Variants in PAK3 observed in about 807,000 individuals in gnomAD.
PAK3 encodes serine/threonine-protein kinase PAK 3.
A neutral mutation model predicts 41.0 loss-of-function variants in PAK3; 4 were observed. The observed-to-expected ratio is 0.10, with a 90% CI of 0.05 to 0.22. The LOEUF (loss-of-function observed/expected upper bound fraction) is 0.22, where lower values mean the gene tolerates loss of function less well. Among genes scored for constraint, PAK3 ranks in the 10% least tolerant of loss-of-function variants. PAK3 has a pLI of 1.00. For synonymous variants in PAK3, 146 were observed against 139.6 expected (o/e 1.05, Z -0.32); for missense variants, 205 against 409.9 (o/e 0.50, Z 4.32).
intron 1 of PAK3, among the ~76,000 whole-genome samples, chrX:110,962,866 A>T (rs2091007592): frequency 1.8e-5 from 2 of 112,559 alleles, no homozygotes; most frequent in African/African-American, 6.5e-5. Flanking sequence ...TGACATCAAG[A>T]ATGTGAAAGC....
At chrX:111,072,651 T>C (rs1384951165) in intron 1 of PAK3, among the ~76,000 whole-genome samples, 2 of 112,393 alleles carry the variant, frequency 1.8e-5, no homozygotes, top group East Asian at 5.6e-4. Flanking sequence ...GTTTATTTTC[T>C]TGAGATAATC....
chrX:110,976,654 G>A, intron 1 of PAK3, among the ~76,000 whole-genome samples: 1 of 111,927 alleles, frequency 8.9e-6, no homozygotes, highest in African/African-American at 3.2e-5. Flanking sequence ...AAAGACACAT[G>A]CATATGTATG....
At chrX:111,160,569 A>ATC (rs1287826085) in intron 8 of PAK3, among the ~76,000 whole-genome samples, 1 of 108,234 alleles carries the variant, frequency 9.2e-6, no homozygotes, top group Non-Finnish European at 1.9e-5. Flanking sequence ...GCACCCATTA[A>ATC]CTCATCATTT....
chrX:111,159,186 G>A (rs1435710698), intron 8 of PAK3, among the ~76,000 whole-genome samples: 1 of 110,863 alleles, frequency 9.0e-6, no homozygotes, highest in African/African-American at 3.3e-5. Flanking sequence ...TTAAATCATT[G>A]TAAATACTCA....
intron 1 of PAK3, among the ~76,000 whole-genome samples, chrX:110,958,499 C>A (rs2090912114): frequency 9.0e-6 from 1 of 111,118 alleles, no homozygotes; most frequent in South Asian, 3.8e-4. Flanking sequence ...AAGAGGAGGG[C>A]AAATGCAGCA....
chrX:110,969,243 T>A (rs2091150576), intron 1 of PAK3, among the ~76,000 whole-genome samples: 1 of 102,715 alleles, frequency 9.7e-6, no homozygotes, highest in Non-Finnish European at 2.0e-5. Context: ...TGCCTAGGGA[T>A]GTTCAATTGC....
chrX:111,174,269 C>G (rs1011816561), intron 11 of PAK3, among the ~76,000 whole-genome samples: 1 of 110,749 alleles, frequency 9.0e-6, no homozygotes, highest in African/African-American at 3.3e-5. Flanking sequence ...CAGTATATCT[C>G]AGGAAATAAG....
At chrX:111,153,509 A>G (rs752304967) in intron 8 of PAK3, among the ~76,000 whole-genome samples, 1 of 112,236 alleles carries the variant, frequency 8.9e-6, no homozygotes, top group Non-Finnish European at 1.9e-5. Flanking sequence ...GATAGAAATT[A>G]CTTCCTGCCT....
chrX:111,023,925 T>C lies in PAK3; in HGVS notation c.-28+79297T>C, dbSNP rs930931132. The stretch of plus-strand genomic sequence containing the variant: ...AGATCCCACTTGTCTATTTTGGCTT[T>C]TGTTGCTGTTGCTTTTTGTGTTTTA... On this transcript the variant is annotated intron_variant, in intron 1 of 14. Transcript: ENST00000425146. Among the ~76,000 whole-genome samples the C allele has an allele frequency of 3.6e-5, 4 of 112,234 alleles. No individual in the cohort carries two copies. In the East Asian group the frequency reaches 8.4e-4, roughly 24 times the overall value.
At chrX:111,091,431 G>A (rs1402092001), upstream of PAK3, among the ~76,000 whole-genome samples, 5 of 111,797 alleles carry the variant, frequency 4.5e-5, no homozygotes, top group Non-Finnish European at 7.5e-5. Flanking sequence ...GAGGCAAGGC[G>A]AGTTCGACAA....
At chrX:111,214,697 T>A (rs1358080749) in intron 16 of PAK3, among the ~76,000 whole-genome samples, 7 of 110,989 alleles carry the variant, frequency 6.3e-5, no homozygotes, top group Admixed American at 1.9e-4. Flanking sequence ...ATTAAACGGT[T>A]GTTCCTGACC....
intron 17 of PAK3, among the ~76,000 whole-genome samples, chrX:111,220,122 A>G (rs1292595454): frequency 9.0e-6 from 1 of 111,609 alleles, no homozygotes; most frequent in African/African-American, 3.3e-5. Context: ...AAACACAGTG[A>G]GGTTTTACAA....
intron 4 of PAK3, among the ~76,000 whole-genome samples, chrX:111,105,253 T>C (rs1291218617): frequency 8.9e-6 from 1 of 111,805 alleles, no homozygotes; most frequent in Non-Finnish European, 1.9e-5. Flanking sequence ...ACTCACACCT[T>C]TGTGCTATTA....
chrX:111,132,056 T>A (rs1442573273), intron 5 of PAK3, among the ~76,000 whole-genome samples: 1 of 110,971 alleles, frequency 9.0e-6, no homozygotes, highest in Non-Finnish European at 1.9e-5. Flanking sequence ...AGTAAGGCAT[T>A]TCATTTCTTA....
intron 1 of PAK3, among the ~76,000 whole-genome samples, chrX:111,026,971 A>G (rs757032073): frequency 2.7e-5 from 3 of 112,014 alleles, no homozygotes; most frequent in Non-Finnish European, 3.8e-5. Context: ...ACATAGGTGA[A>G]TGAAACAGAA....
chrX:111,207,585 T>C (rs73545215), intron 16 of PAK3, among the ~76,000 whole-genome samples: 21,321 of 110,569 alleles, frequency 0.19, 4,609 homozygotes, highest in African/African-American at 0.63. Context: ...CAAACCTACT[T>C]CTCAAGAAGA....
chrX:110,946,933 TG>T (rs1489401027), intron 1 of PAK3, among the ~76,000 whole-genome samples: 2 of 112,391 alleles, frequency 1.8e-5, no homozygotes, highest in East Asian at 5.6e-4. Flanking sequence ...CTGTGCTGTA[TG>T]TTAGTTTTAA....
chrX:110,965,356 T>C (rs1296295749), intron 1 of PAK3, among the ~76,000 whole-genome samples: 2 of 112,281 alleles, frequency 1.8e-5, no homozygotes, highest in Non-Finnish European at 3.8e-5. Context: ...TTGAGATCTC[T>C]CCAAGCTCCT....
chrX:110,999,282 C>T (rs1422466868), intron 1 of PAK3, among the ~76,000 whole-genome samples: 2 of 111,478 alleles, frequency 1.8e-5, no homozygotes, highest in Admixed American at 9.5e-5. Flanking sequence ...GAAGAAGAAA[C>T]ACATGCCCAT....
Sources: allele counts gnomAD v4.1 joint callset (sites outside exome capture counted in the v4.1 genomes callset), GRCh38; gene constraint gnomAD v4.1.1; transcripts MANE v1.5; gene names NCBI Gene and HGNC (gene_info 2026-07-23, HGNC 2026-07-21).